The following TMEM132B variants were observed in gnomAD, a reference collection of about 807,000 sequenced individuals.
TMEM132B encodes the protein transmembrane protein 132B.
In TMEM132B, 18 loss-of-function variants were observed where a neutral mutation model predicts 90.8. The observed-to-expected ratio is 0.20, with a 90% CI of 0.14 to 0.29. TMEM132B has a LOEUF of 0.29. TMEM132B is among the 10% of genes least tolerant of loss of function. The pLI, the probability that TMEM132B is intolerant of heterozygous loss-of-function variation, is 1.00. For synonymous variants in TMEM132B, 504 were observed against 523.3 expected (o/e 0.96, Z 0.50); for missense variants, 1,096 against 1,326.8 (o/e 0.83, Z 2.70).
chr12:125,420,077 G>A (rs776868194), intron 3 of TMEM132B, among the ~76,000 whole-genome samples: 2 of 152,216 alleles, frequency 1.3e-5, no homozygotes, highest in Non-Finnish European at 2.9e-5. Flanking sequence ...TCATGGGCTG[G>A]TGCTGAGTGT....
chr12:125,444,854 T>C (rs1880960906), intron 3 of TMEM132B, among the ~76,000 whole-genome samples: 1 of 152,078 alleles, frequency 6.6e-6, no homozygotes, highest in Non-Finnish European at 1.5e-5. Context: ...AGAGCAGAAC[T>C]GACCTTCTCC....
chr12:125,367,870 AATTAGG>A (rs1878179694), intron 2 of TMEM132B, among the ~76,000 whole-genome samples: 1 of 152,088 alleles, frequency 6.6e-6, no homozygotes, highest in Admixed American at 6.5e-5. Flanking sequence ...ATGTGGTTGG[AATTAGG>A]TCTGCTATTT....
rs1010766975 is a variant in TMEM132B, at chr12:125,394,328, T to C, written c.960-21203T>C. 2.6e-5 allele frequency among the ~76,000 whole-genome samples: 4 copies of C among 152,158 alleles called. 1 individual carries two copies. Among genetic ancestry groups the C allele is most frequent in the African/African-American group, 9.7e-5 (4 of 41,442 alleles). ...ACAGATTTTGGACTTCTTCTAACAA[T>C]AGAAGTGATTAGGGGAGAGCGTTAA... On this transcript the variant is annotated intron_variant, in intron 2 of 8. Coordinates refer to ENST00000682704, the MANE Select transcript of TMEM132B (RefSeq NM_001366854.1).
intron 5 of TMEM132B, among the ~76,000 whole-genome samples, chr12:125,600,730 C>T (rs1338018346): frequency 1.3e-5 from 2 of 151,912 alleles, no homozygotes; most frequent in East Asian, 1.9e-4. Flanking sequence ...GAAATGACAT[C>T]GTGTCTAAAT....
intron 1 of TMEM132B, among the ~76,000 whole-genome samples, chr12:125,202,164 T>C (rs186013888): frequency 1.6e-4 from 24 of 152,348 alleles, no homozygotes; most frequent in Admixed American, 2.6e-4. Flanking sequence ...GCTGGGCCAA[T>C]GAGGGCCAGC....
intron 2 of TMEM132B, among the ~76,000 whole-genome samples, chr12:125,402,399 A>C (rs1313803624): frequency 6.6e-6 from 1 of 152,014 alleles, no homozygotes; most frequent in African/African-American, 2.4e-5. Context: ...CTGGTCCTGA[A>C]CTCCTCACCT....
chr12:125,317,998 A>G (rs1876329997), intron 1 of TMEM132B, among the ~76,000 whole-genome samples: 1 of 152,252 alleles, frequency 6.6e-6, no homozygotes. Context: ...TTTCCATACA[A>G]TGGGATACCA....
At chr12:125,538,657 G>A (rs916006935) in intron 4 of TMEM132B, among the ~76,000 whole-genome samples, 12 of 152,196 alleles carry the variant, frequency 7.9e-5, no homozygotes, top group Non-Finnish European at 1.8e-4. Context: ...TTATTCAGTG[G>A]AATTCCTGTT....
At chr12:125,624,312 G>A (rs531576547) in intron 5 of TMEM132B, among the ~76,000 whole-genome samples, 49 of 152,164 alleles carry the variant, frequency 3.2e-4, no homozygotes, top group Non-Finnish European at 5.7e-4. Flanking sequence ...GGGCTCCCAG[G>A]ACCTGCCAGT....
intron 5 of TMEM132B, 100 bp downstream of exon 5, chr12:125,584,094 C>T: frequency 6.4e-7 from 1 of 1,567,718 alleles, no homozygotes. Flanking sequence ...ATCCCATGCT[C>T]TAAAGGGCTG....
chr12:125,540,060 T>A (rs1883912899), intron 4 of TMEM132B, among the ~76,000 whole-genome samples: 2 of 152,354 alleles, frequency 1.3e-5, no homozygotes, highest in South Asian at 4.1e-4. Context: ...GCTTTTGATT[T>A]TTTTCTTTGG....
At chr12:125,307,854 ATATT>A (rs1198473204) in intron 1 of TMEM132B, among the ~76,000 whole-genome samples, 11 of 48,900 alleles carry the variant, frequency 2.2e-4, no homozygotes, top group African/African-American at 9.3e-4. Flanking sequence ...ATATACTTAT[ATATT>A]TATATATACT....
chr12:125,548,847 C>A (rs945355532), intron 4 of TMEM132B, among the ~76,000 whole-genome samples: 1 of 152,082 alleles, frequency 6.6e-6, no homozygotes, highest in Admixed American at 6.6e-5. Flanking sequence ...AGGCAAGACA[C>A]GATGGTGGCT....
In TMEM132B at chr12:125,409,234, A is replaced by G. The variant is rs190444746; in HGVS notation, c.960-6297A>G. Among the ~76,000 whole-genome samples the G allele has an allele frequency of 2.0e-3, 302 of 152,292 alleles. 2 individuals are homozygous for G. Among genetic ancestry groups the G allele is most frequent in the African/African-American group, 6.8e-3 (282 of 41,564 alleles). On this transcript the variant is annotated intron_variant, in intron 2 of 8. Transcript: ENST00000682704. Reference sequence around the variant, plus strand: ...TGCCTGCTGAGCCAGCCACAAGGGAAGAGGGACTGAGATAGGCATCTGGTT... The same window carrying G: ...TGCCTGCTGAGCCAGCCACAAGGGAGGAGGGACTGAGATAGGCATCTGGTT...
At chr12:125,569,063 T>G (rs559778001) in intron 4 of TMEM132B, among the ~76,000 whole-genome samples, 24 of 152,242 alleles carry the variant, frequency 1.6e-4, no homozygotes, top group Admixed American at 1.4e-3. Flanking sequence ...TCCTCTTCTG[T>G]AAAGTGGGGT....
At chr12:125,188,863 A>AAAG (rs1555230818) in intron 1 of TMEM132B, among the ~76,000 whole-genome samples, 11 of 98,512 alleles carry the variant, frequency 1.1e-4, no homozygotes, top group Non-Finnish European at 2.0e-4. Context: ...AAAAAAAAAA[A>AAAG]AAAAAAAAAA....
chr12:125,560,364 A>G (rs184908087), intron 4 of TMEM132B, among the ~76,000 whole-genome samples: 1 of 152,326 alleles, frequency 6.6e-6, no homozygotes, highest in East Asian at 1.9e-4. Context: ...TAGTCAGTGT[A>G]TATCTTCCTG....
rs147027356 is a variant in TMEM132B at position 125,315,061 on chromosome 12, G to C, written c.68-34391G>C. ...ACAGACTCAAGAAGGCACCCTCCTG[G>C]GCTTGCAAACTCAACCAATGCCAGG... On this transcript the variant is annotated intron_variant, in intron 1 of 8. Coordinates refer to ENST00000682704, the MANE Select transcript of TMEM132B (RefSeq NM_001366854.1). Among the ~76,000 whole-genome samples the C allele has an allele frequency of 4.7e-4, 71 of 152,294 alleles. 1 individual carries two copies. The highest frequency in any genetic ancestry group is 1.5e-3 in the African/African-American group (61 of 41,552).
intron 4 of TMEM132B, among the ~76,000 whole-genome samples, chr12:125,547,088 CT>C (rs1001821667): frequency 2.6e-5 from 4 of 152,210 alleles, no homozygotes; most frequent in Admixed American, 2.0e-4. Context: ...TCAATGACCT[CT>C]ACCTGGTCCC....
Sources: gnomAD v4.1 joint callset for allele counts (sites outside exome capture counted in the v4.1 genomes callset) on GRCh38, gnomAD v4.1.1 for gene constraint, MANE v1.5 for transcripts, NCBI Gene and HGNC (gene_info 2026-07-23, HGNC 2026-07-21) for gene names.